CDK8: variants seen among roughly 807,000 people sequenced by gnomAD.
CDK8 encodes cyclin-dependent kinase 8.
CDK8 carries 29 observed loss-of-function variants against 71.5 expected under a neutral mutation model. The observed-to-expected ratio is 0.41, with a 90% confidence interval of 0.30 to 0.55. The LOEUF (loss-of-function observed/expected upper bound fraction) is 0.55. Among genes scored for constraint, CDK8 ranks in the 20% least tolerant of loss-of-function variants. The pLI, the probability that CDK8 is intolerant of heterozygous loss-of-function variation, is 0.37. For missense variants in CDK8, 288 were observed against 572.6 expected (o/e 0.50, Z 5.07); for synonymous variants, 161 against 192.1 (o/e 0.84, Z 1.34).
At chr13:26,286,350 A>G (rs1213671501) in intron 1 of CDK8, among the ~76,000 whole-genome samples, 1 of 152,258 alleles carries the variant, frequency 6.6e-6, no homozygotes, top group African/African-American at 2.4e-5. Context: ...GAACCCAGAA[A>G]TAAAGCCAAA....
chr13:26,404,003 A>G lies in CDK8; in HGVS notation c.1317A>G (p.Ser439=), dbSNP rs769164058. ...ATCCCAACCCTGGACCAAGCACATCACAGCCGCAGAGCAGCATGGGATACT... is the reference window on the plus strand; with the variant it reads ...ATCCCAACCCTGGACCAAGCACATCGCAGCCGCAGAGCAGCATGGGATACT... ...AAYPNPGPST[S]QPQSSMGYSA... The change falls in exon 13 of 13, where the codon TCA becomes TCG. Residue 439 remains serine, a synonymous_variant. Transcript: ENST00000381527. 3.7e-6 allele frequency: 6 copies of G among 1,613,874 alleles called. No individual in the cohort carries two copies. The highest frequency in any genetic ancestry group is 5.1e-6 in the Non-Finnish European group (6 of 1,179,986).
At chr13:26,369,273 C>T (rs1874536265) in intron 4 of CDK8, among the ~76,000 whole-genome samples, 1 of 148,786 alleles carries the variant, frequency 6.7e-6, no homozygotes, top group South Asian at 2.1e-4. Flanking sequence ...GGTGAAATGC[C>T]ATCTCTACAA....
At chr13:26,344,867 A>G (rs1873396850) in intron 2 of CDK8, among the ~76,000 whole-genome samples, 1 of 152,178 alleles carries the variant, frequency 6.6e-6, no homozygotes, top group South Asian at 2.1e-4. Flanking sequence ...TTAACTTAAA[A>G]AAAAAATAAG....
intron 2 of CDK8, among the ~76,000 whole-genome samples, chr13:26,343,842 C>CAAAA (rs754263356): frequency 4.6e-5 from 7 of 151,972 alleles, no homozygotes; most frequent in Non-Finnish European, 7.4e-5. Context: ...TACACCTGTA[C>CAAAA]AAAAAATTTG....
intron 6 of CDK8, among the ~76,000 whole-genome samples, chr13:26,386,701 T>C (rs1477218237): frequency 6.6e-6 from 1 of 152,224 alleles, no homozygotes; most frequent in East Asian, 1.9e-4. Context: ...GTCGGTATCA[T>C]ACTTGCTAGC....
At chr13:26,374,956 A>T (rs1442439086) in intron 4 of CDK8, among the ~76,000 whole-genome samples, 2 of 151,906 alleles carry the variant, frequency 1.3e-5, no homozygotes, top group Non-Finnish European at 2.9e-5. Context: ...TTTTCAAGGC[A>T]TTTTTTTTAA....
Position 26,385,338 on chromosome 13 carries a change from T to C in CDK8, c.642T>C (p.Ala214=), listed in dbSNP as rs752772147. The change falls in exon 6 of 13, where the codon GCT becomes GCC. Residue 214 remains alanine, a synonymous_variant. Coordinates refer to ENST00000381527, the MANE Select transcript of CDK8 (RefSeq NM_001260.3). ...TTGGAGCAAGGCATTATACCAAAGC[T>C]ATTGGTGAGTAGAACTAATTAAAAT... The part of the protein sequence containing the change: ...LLLGARHYTK[A]IDIWAIGCIF... 6.2e-7 allele frequency: 1 copy of C among 1,602,694 alleles called. No individual in the cohort carries two copies. Among genetic ancestry groups the C allele is most frequent in the Admixed American group, 1.8e-5 (1 of 57,114 alleles).
chr13:26,277,461 A>G (rs1425409965), intron 1 of CDK8, among the ~76,000 whole-genome samples: 1 of 152,214 alleles, frequency 6.6e-6, no homozygotes, highest in Non-Finnish European at 1.5e-5. Context: ...ACTATTGTGC[A>G]AAGTCATAGT....
chr13:26,342,532 C>T (rs9581645), intron 2 of CDK8, among the ~76,000 whole-genome samples: 1,665 of 152,210 alleles, frequency 0.011, 16 homozygotes, highest in Middle Eastern at 0.024. Flanking sequence ...CAGTGCCTGG[C>T]GTGTAGTAGG....
At chr13:26,387,609 A>C (rs888345885) in intron 6 of CDK8, among the ~76,000 whole-genome samples, 1 of 152,152 alleles carries the variant, frequency 6.6e-6, no homozygotes, top group Non-Finnish European at 1.5e-5. Flanking sequence ...TCCTGTTCAA[A>C]TACAGACTTT....
intron 1 of CDK8, among the ~76,000 whole-genome samples, chr13:26,285,055 A>G (rs769400428): frequency 7.9e-5 from 12 of 152,164 alleles, no homozygotes; most frequent in Non-Finnish European, 1.6e-4. Context: ...CCTGGCCAAC[A>G]TGTTGAAACC....
chr13:26,288,696 A>T (rs1873145830), intron 1 of CDK8, among the ~76,000 whole-genome samples: 1 of 152,030 alleles, frequency 6.6e-6, no homozygotes, highest in Non-Finnish European at 1.5e-5. Context: ...ACTGAAACCT[A>T]CCAACCCATG....
intron 1 of CDK8, among the ~76,000 whole-genome samples, chr13:26,273,042 G>A (rs1872402995): frequency 6.6e-6 from 1 of 152,110 alleles, no homozygotes; most frequent in Non-Finnish European, 1.5e-5. Flanking sequence ...AAGAAACATT[G>A]CTTAACCCAA....
At chr13:26,359,723 T>TC in intron 4 of CDK8, 1 of 438,040 alleles carries the variant, frequency 2.3e-6, no homozygotes, top group Non-Finnish European at 4.6e-6. Flanking sequence ...TTTCTTCTTT[T>TC]CTTTTTTTTG....
Position 26,401,678 on chromosome 13 carries a change from A to G in CDK8, c.1269+54A>G. The G allele has an allele frequency of 6.4e-7, 1 of 1,557,618 alleles. No individual in the cohort carries two copies. The highest frequency in any genetic ancestry group is 8.8e-7 in the Non-Finnish European group (1 of 1,130,178). On this transcript the variant is annotated intron_variant, in intron 12 of 12. Transcript: ENST00000381527. The surrounding 1 kb of genome is among the most constrained non-coding windows in gnomAD (Gnocchi z 4.5). ...CATGTCAGTGTTTACATATGGGTTT[A>G]TGATCGTGGGAAAATGTGATTTAAT... is the stretch of plus-strand genomic sequence containing the variant.
At chr13:26,398,962 C>CAAA (rs200778680) in intron 9 of CDK8, among the ~76,000 whole-genome samples, 11 of 136,818 alleles carry the variant, frequency 8.0e-5, no homozygotes, top group African/African-American at 2.4e-4. Context: ...GACTCTATCT[C>CAAA]AAAAAAAAAA....
Position 26,387,117 on chromosome 13 carries a change from CTCT to C in CDK8, c.646+1780_646+1782del, listed in dbSNP as rs1335429559. 9.2e-5 allele frequency among the ~76,000 whole-genome samples: 14 copies of C among 152,098 alleles called. No homozygotes were observed. In the South Asian group the frequency reaches 2.3e-3, roughly 25 times the overall value. The stretch of plus-strand genomic sequence containing the variant: ...CTTTGTCATATCCATTTCTAAAAAC[CTCT>C]TCTTGTTCTCTGATTACTTTTTCAT... On this transcript the variant is annotated intron_variant, in intron 6 of 12. Transcript: ENST00000381527.
At chr13:26,268,322 T>C (rs1872135447) in intron 1 of CDK8, among the ~76,000 whole-genome samples, 1 of 149,930 alleles carries the variant, frequency 6.7e-6, no homozygotes, top group Non-Finnish European at 1.5e-5. Flanking sequence ...CCTGTGTATG[T>C]TATTTTATTT....
At chr13:26,339,437 T>A (rs1187458965) in intron 2 of CDK8, among the ~76,000 whole-genome samples, 1 of 151,994 alleles carries the variant, frequency 6.6e-6, no homozygotes, top group East Asian at 1.9e-4. Context: ...ATTCCATTGT[T>A]CTCTCTGTCT....
Sources: allele counts gnomAD v4.1 joint callset (sites outside exome capture counted in the v4.1 genomes callset), GRCh38; gene constraint gnomAD v4.1.1; non-coding constraint Gnocchi (gnomAD v3.1); transcripts MANE v1.5; gene names NCBI Gene and HGNC (gene_info 2026-07-23, HGNC 2026-07-21).